SRRM5: variants seen among roughly 807,000 people sequenced by gnomAD.
The protein encoded by SRRM5 is serine/arginine repetitive matrix protein 5.
SRRM5 carries 1 observed loss-of-function variant against 1.3 expected under a neutral mutation model. The observed-to-expected ratio is 0.76, with a 90% CI of 0.27 to 3.59. The LOEUF (loss-of-function observed/expected upper bound fraction) is 3.59, where lower values mean the gene tolerates loss of function less well. Among genes scored for constraint, SRRM5 ranks in the 30% most tolerant of loss-of-function variants. SRRM5 has a pLI of 0.19. For missense variants in SRRM5, 875 were observed against 914.5 expected (o/e 0.96, Z 0.56); for synonymous variants, 275 against 320.2 (o/e 0.86, Z 1.51).
chr19:43,614,422 G>A lies in SRRM5; in HGVS notation c.*153G>A. ...GTTCTCTAATACAGGATGTTGGCAG[G>A]TAGAGAGGGATGCTGGATAGGGGGA... is the stretch of plus-strand genomic sequence containing the variant. On this transcript the variant is annotated 3_prime_UTR_variant, in exon 1 of 1. Transcript: ENST00000417606. 6.8e-7 allele frequency: 1 copy of A among 1,464,068 alleles called. No individual in the cohort carries two copies. Among genetic ancestry groups the A allele is most frequent in the Non-Finnish European group, 9.0e-7 (1 of 1,111,854 alleles). The allele number at this position is 1,464,068 out of a possible 1,614,324, so 90.7% of individuals were successfully genotyped here.
rs1329302372 is a variant in SRRM5 at position 43,613,413 on chromosome 19, C to G, written c.1292C>G (p.Pro431Arg). ...KARDRSRSRSPNKARDCSRSR... is the reference protein window; with the variant it reads ...KARDRSRSRSRNKARDCSRSR... ...AGAGATCGCAGCCGATCTAGAAGTCCCAACAAGGCGAGAGATTGCAGCCGA... is the reference window on the plus strand; with the variant it reads ...AGAGATCGCAGCCGATCTAGAAGTCGCAACAAGGCGAGAGATTGCAGCCGA... The change falls in exon 1 of 1, where the codon CCC becomes CGC. Residue 431 changes from proline (P) to arginine (R), a missense_variant. By Grantham distance (103) the Pro-to-Arg change is moderately radical (BLOSUM62 -2). Coordinates refer to ENST00000417606, the MANE Select transcript of SRRM5 (RefSeq NM_001145641.2). 1 of 1,531,058 alleles carries G rather than the reference C, an allele frequency of 6.5e-7. No homozygotes were observed. Among genetic ancestry groups the G allele is most frequent in the Admixed American group, 2.0e-5 (1 of 49,572 alleles). 94.8% of individuals were successfully genotyped at this position (1,531,058 alleles called of 1,614,324 possible). A position where few individuals can be genotyped will look rare whatever the true frequency, so the allele number is the denominator to read the frequency against.
rs559717602 is a variant in SRRM5, at chr19:43,612,187, C to T, written c.66C>T (p.Pro22=). ...TGGCACCCAGTGGATCCTCCATGCC[C>T]ACTGCGGATCCCAAGCCTCCTGCCT... ...MSLAPSGSSM[P]TADPKPPASL... Residue 22 remains proline (P), a synonymous_variant, in exon 1 of 1, where the codon CCC becomes CCT. Transcript: ENST00000417606. The surrounding 1 kb of genome is among the most constrained non-coding windows in gnomAD (Gnocchi z 4.2). 132 of 1,551,602 alleles carry T rather than the reference C, an allele frequency of 8.5e-5. No individual in the cohort carries two copies. The highest frequency in any genetic ancestry group is 1.2e-4 in the Non-Finnish European group (132 of 1,147,006).
chr19:43,612,870 T>C lies in SRRM5; in HGVS notation c.749T>C (p.Ile250Thr), dbSNP rs1286213344. 7.1e-6 allele frequency: 11 copies of C among 1,551,368 alleles called. No individual in the cohort carries two copies. Among genetic ancestry groups the C allele is most frequent in the Non-Finnish European group, 9.6e-6 (11 of 1,146,968 alleles). The change falls in exon 1 of 1, where the codon ATC (isoleucine) becomes ACC (threonine). Residue 250 changes from isoleucine (I) to threonine (T), a missense_variant. Coordinates refer to ENST00000417606, the MANE Select transcript of SRRM5 (RefSeq NM_001145641.2). The surrounding 1 kb of genome is among the most constrained non-coding windows in gnomAD (Gnocchi z 4.2). ...GTGAAGAGCTACGGTCAGATGATCA[T>C]CCCCAGTAGGGAAAAGAGTTACAGC... is the stretch of plus-strand genomic sequence containing the variant. ...RKVKSYGQMI[I>T]PSREKSYSPT...
Position 43,614,435 on chromosome 19 carries a change from C to T in SRRM5, c.*166C>T. On this transcript the variant is annotated 3_prime_UTR_variant, in exon 1 of 1. Coordinates refer to ENST00000417606, the MANE Select transcript of SRRM5 (RefSeq NM_001145641.2). Reference sequence around the variant, plus strand: ...GGATGTTGGCAGGTAGAGAGGGATGCTGGATAGGGGGAAAGGAAAGACCTG... The same window carrying T: ...GGATGTTGGCAGGTAGAGAGGGATGTTGGATAGGGGGAAAGGAAAGACCTG... 2 of 1,450,746 alleles carry T rather than the reference C, an allele frequency of 1.4e-6. No individual in the cohort carries two copies. Among genetic ancestry groups the T allele is most frequent in the Non-Finnish European group, 9.0e-7 (1 of 1,105,854 alleles). 89.9% of individuals were successfully genotyped at this position (1,450,746 alleles called of 1,614,324 possible). A position where few individuals can be genotyped will look rare whatever the true frequency, so the allele number is the denominator to read the frequency against.
In SRRM5 at chr19:43,613,986, C is replaced by A. The variant is rs754630931; in HGVS notation, c.1865C>A (p.Thr622Asn). 11 of 1,551,414 alleles carry A rather than the reference C, an allele frequency of 7.1e-6. No individual in the cohort carries two copies. In the South Asian group the frequency reaches 9.5e-5, roughly 13 times the overall value. ...SKEKAHSRSR[T>N]PSKEGNHSQS... ...GAGAAAGCTCATAGCCGATCTAGAACCCCCAGCAAAGAAGGAAATCATAGC... is the reference window on the plus strand; with the variant it reads ...GAGAAAGCTCATAGCCGATCTAGAAACCCCAGCAAAGAAGGAAATCATAGC... The change falls in exon 1 of 1, where the codon ACC becomes AAC. Residue 622 changes from threonine to asparagine, a missense_variant. By Grantham distance (65) the Thr-to-Asn change is moderately conservative. Transcript: ENST00000417606.
In SRRM5 at chr19:43,613,911, G is replaced by A. The variant is rs573270782; in HGVS notation, c.1790G>A (p.Arg597Lys). 2.6e-6 allele frequency: 4 copies of A among 1,551,698 alleles called. No individual in the cohort carries two copies. Among genetic ancestry groups the A allele is most frequent in the South Asian group, 1.2e-5 (1 of 84,064 alleles). Reference protein sequence around the residue: ...SSEERDHSRSRSPNKQSGYSR... With the variant: ...SSEERDHSRSKSPNKQSGYSR... ...GAGGAGAGAGATCACAGCCGATCTAGAAGCCCCAATAAGCAGAGTGGTTAC... is the reference window on the plus strand; with the variant it reads ...GAGGAGAGAGATCACAGCCGATCTAAAAGCCCCAATAAGCAGAGTGGTTAC... Residue 597 changes from arginine (R) to lysine (K), a missense_variant, in exon 1 of 1, where the codon AGA (arginine) becomes AAA (lysine). By Grantham distance (26) the Arg-to-Lys change is conservative (BLOSUM62 2). Coordinates refer to ENST00000417606, the MANE Select transcript of SRRM5 (RefSeq NM_001145641.2).
rs1973305897 is a variant in SRRM5, at chr19:43,612,267, C to A, written c.146C>A (p.Pro49Gln). 1 of 1,551,712 alleles carries A rather than the reference C, an allele frequency of 6.4e-7. No individual in the cohort carries two copies. Among genetic ancestry groups the A allele is most frequent in the Non-Finnish European group, 8.7e-7 (1 of 1,147,006 alleles). The change falls in exon 1 of 1, where the codon CCA becomes CAA. Residue 49 changes from proline to glutamine, a missense_variant. Coordinates refer to ENST00000417606, the MANE Select transcript of SRRM5 (RefSeq NM_001145641.2). This position sits in a 1 kb window ranked among gnomAD's most constrained non-coding sequence, Gnocchi z 4.2. ...AACAGATCCTTAGTGCCCACCAAAC[C>A]AGCGACATCCCGTAACTCAGTCATG... is the stretch of plus-strand genomic sequence containing the variant. ...TPNRSLVPTKPATSRNSVMSP... is the reference protein window; with the variant it reads ...TPNRSLVPTKQATSRNSVMSP...
At position 43,612,926 on chromosome 19, in the gene SRRM5, T is replaced by A. The variant is rs1973318959; in HGVS notation, c.805T>A (p.Tyr269Asn). The A allele has an allele frequency of 6.4e-7, 1 of 1,551,594 alleles. No individual in the cohort carries two copies. ...PTEMSSRVKS[Y>N]NQASTRSRPQ... is the part of the protein sequence containing the mutation. ...TGAAATGTCCAGCAGGGTCAAGAGT[T>A]ATAACCAGGCCAGCACCCGCAGCAG... The change falls in exon 1 of 1, where the codon TAT (tyrosine) becomes AAT (asparagine). Residue 269 changes from tyrosine (Y) to asparagine (N), a missense_variant. By Grantham distance (143) the Tyr-to-Asn change is moderately radical. Transcript: ENST00000417606. The surrounding 1 kb of genome is among the most constrained non-coding windows in gnomAD (Gnocchi z 4.2).
In SRRM5 at chr19:43,613,813, C is replaced by A. The variant is rs1385124522; in HGVS notation, c.1692C>A (p.Ser564Arg). ...EREHRQSRSPSKERDRRRWRS... is the reference protein window; with the variant it reads ...EREHRQSRSPRKERDRRRWRS... The stretch of plus-strand genomic sequence containing the variant: ...AGCACAGACAATCCAGAAGCCCCAG[C>A]AAAGAGAGAGATCGCAGACGATGGA... Residue 564 changes from serine (S) to arginine (R), a missense_variant, in exon 1 of 1, where the codon AGC becomes AGA. Ser to Arg is a moderately radical substitution (Grantham distance 110, BLOSUM62 -1). Transcript: ENST00000417606. 1.2e-5 allele frequency: 18 copies of A among 1,549,156 alleles called. No individual in the cohort carries two copies. The highest frequency in any genetic ancestry group is 1.6e-5 in the Non-Finnish European group (18 of 1,145,196).
rs13343696 is a variant in SRRM5, at chr19:43,612,804, A to G, written c.683A>G (p.Lys228Arg). The stretch of plus-strand genomic sequence containing the variant: ...CAAACCCCGACTGGAATTCCCTCCA[A>G]GGAGAAGAGTGACAACCCATCTCCA... The part of the protein sequence containing the change: ...KCQTPTGIPS[K>R]EKSDNPSPSS... Residue 228 changes from lysine to arginine, a missense_variant, in exon 1 of 1, where the codon AAG becomes AGG. Lys to Arg is a conservative substitution (Grantham distance 26). Transcript: ENST00000417606. This position sits in a 1 kb window ranked among gnomAD's most constrained non-coding sequence, Gnocchi z 4.2. 0.26 allele frequency: 396,191 copies of G among 1,551,378 alleles called. 51,603 individuals are homozygous for G. Among genetic ancestry groups the G allele is most frequent in the South Asian group, 0.28 (23,143 of 84,054 alleles).
In SRRM5 at chr19:43,612,745, C is replaced by T. The variant is rs776659989; in HGVS notation, c.624C>T (p.Ser208=). 11 of 1,551,480 alleles carry T rather than the reference C, an allele frequency of 7.1e-6. No homozygotes were observed. In the Admixed American group the frequency reaches 9.8e-5, roughly 14 times the overall value. The change falls in exon 1 of 1, where the codon TCC becomes TCT. Residue 208 remains serine, a synonymous_variant. Coordinates refer to ENST00000417606, the MANE Select transcript of SRRM5 (RefSeq NM_001145641.2). This position sits in a 1 kb window ranked among gnomAD's most constrained non-coding sequence, Gnocchi z 4.2. ...GAGGCTCAGGTATAGGGAGGAGTTC[C>T]GAGCTGGCTGTAACTCCCAGTACAG... is the stretch of plus-strand genomic sequence containing the variant. ...PPGGSGIGRS[S]ELAVTPSTAK... is the part of the protein sequence containing the mutation.
Position 43,612,493 on chromosome 19 carries a change from T to C in SRRM5, c.372T>C (p.Pro124=), listed in dbSNP as rs1973310128. Residue 124 remains proline, a synonymous_variant, in exon 1 of 1, where the codon CCT becomes CCC. Transcript: ENST00000417606. This position sits in a 1 kb window ranked among gnomAD's most constrained non-coding sequence, Gnocchi z 4.2. The part of the protein sequence containing the change: ...RRGTHSRGRT[P]GRRGSRSSKR... ...GCACACACAGCCGGGGTAGGACACC[T>C]GGCAGAAGGGGAAGCCGCAGCTCCA... The C allele has an allele frequency of 6.4e-6, 10 of 1,551,298 alleles. No homozygotes were observed. In the East Asian group the frequency reaches 2.4e-4, roughly 38 times the overall value.
rs759380832 is a variant in SRRM5 at position 43,614,317 on chromosome 19, GGACAGGA to G, written c.*57_*63del. 1 of 1,594,366 alleles carries G rather than the reference GGACAGGA, an allele frequency of 6.3e-7. No homozygotes were observed. The highest frequency in any genetic ancestry group is 8.5e-7 in the Non-Finnish European group (1 of 1,170,254). ...GGGTCTCTGTCATGACCGGGGGAGGGGACAGGAGACAGGAGCAGAGCAGCAGCTGAGC... is the reference window on the plus strand; with the variant it reads ...GGGTCTCTGTCATGACCGGGGGAGGGGACAGGAGCAGAGCAGCAGCTGAGC... On this transcript the variant is annotated 3_prime_UTR_variant, in exon 1 of 1. Coordinates refer to ENST00000417606, the MANE Select transcript of SRRM5 (RefSeq NM_001145641.2).
In SRRM5 at chr19:43,613,137, A is replaced by G. The variant is rs376423743; in HGVS notation, c.1016A>G (p.Lys339Arg). Residue 339 changes from lysine (K) to arginine (R), a missense_variant, in exon 1 of 1, where the codon AAA becomes AGA. Transcript: ENST00000417606. ...CAGTCTAGAAGCCACAGCAAGGGGAAAAGTCAAAACCAATCTAGAACCCCC... is the reference window on the plus strand; with the variant it reads ...CAGTCTAGAAGCCACAGCAAGGGGAGAAGTCAAAACCAATCTAGAACCCCC... ...HSQSRSHSKGKSQNQSRTPRR... is the reference protein window; with the variant it reads ...HSQSRSHSKGRSQNQSRTPRR... 1 of 1,551,544 alleles carries G rather than the reference A, an allele frequency of 6.4e-7. No individual in the cohort carries two copies. Among genetic ancestry groups the G allele is most frequent in the Non-Finnish European group, 8.7e-7 (1 of 1,146,974 alleles).
rs1973340530 is a variant in SRRM5, at chr19:43,613,854, A to G, written c.1733A>G (p.Glu578Gly). The change falls in exon 1 of 1, where the codon GAG becomes GGG. Residue 578 changes from glutamate (E) to glycine (G), a missense_variant. By Grantham distance (98) the Glu-to-Gly change is moderately conservative. Transcript: ENST00000417606. ...AGACGATGGAGAAGCCCCAGCAAGGAGAGAGAGCGCAGACAATCTAGAAGC... is the reference window on the plus strand; with the variant it reads ...AGACGATGGAGAAGCCCCAGCAAGGGGAGAGAGCGCAGACAATCTAGAAGC... ...DRRRWRSPSK[E>G]RERRQSRSSS... is the part of the protein sequence containing the mutation. The G allele has an allele frequency of 9.0e-6, 14 of 1,551,474 alleles. No individual in the cohort carries two copies. Among genetic ancestry groups the G allele is most frequent in the East Asian group, 2.4e-5 (1 of 40,914 alleles).
rs1038786208 is a variant in SRRM5 at position 43,613,914 on chromosome 19, G to A, written c.1793G>A (p.Ser598Asn). 3.9e-6 allele frequency: 6 copies of A among 1,551,654 alleles called. No homozygotes were observed. The highest frequency in any genetic ancestry group is 1.4e-5 in the African/African-American group (1 of 73,132). The stretch of plus-strand genomic sequence containing the variant: ...GAGAGAGATCACAGCCGATCTAGAA[G>A]CCCCAATAAGCAGAGTGGTTACAGT... ...SEERDHSRSR[S>N]PNKQSGYSRP... The change falls in exon 1 of 1, where the codon AGC (serine) becomes AAC (asparagine). Residue 598 changes from serine to asparagine, a missense_variant. Physicochemically the swap from Ser to Asn is conservative, Grantham distance 46. Transcript: ENST00000417606.
Sources: allele counts gnomAD v4.1 joint callset, GRCh38; gene constraint gnomAD v4.1.1; non-coding constraint Gnocchi (gnomAD v3.1); transcripts MANE v1.5; gene names NCBI Gene and HGNC (gene_info 2026-07-23, HGNC 2026-07-21).